The following MYO3B variants were observed in gnomAD, a reference collection of about 807,000 sequenced individuals.
The protein encoded by MYO3B is myosin IIIB.
MYO3B carries 156 observed loss-of-function variants against 174.6 expected under a neutral mutation model. The observed-to-expected ratio is 0.89, with a 90% CI of 0.78 to 1.02. The LOEUF (loss-of-function observed/expected upper bound fraction) is 1.02. Among genes scored for constraint, MYO3B ranks in the 50% least tolerant of loss-of-function variants. The probability of loss-of-function intolerance (pLI) is 0.00; values close to 1 mark genes in which losing one functional copy is unlikely to be tolerated. For synonymous variants in MYO3B, 563 were observed against 569.1 expected (o/e 0.99, Z 0.15); for missense variants, 1,632 against 1,639.4 (o/e 1.00, Z 0.08).
chr2:170,500,270 G>A (rs1313421514), intron 27 of MYO3B, among the ~76,000 whole-genome samples: 1 of 152,220 alleles, frequency 6.6e-6, no homozygotes, highest in Non-Finnish European at 1.5e-5. Flanking sequence ...AGTGGAGGAT[G>A]TAGATAGTTT....
intron 8 of MYO3B, among the ~76,000 whole-genome samples, chr2:170,366,626 A>C (rs931066612): frequency 2.0e-5 from 3 of 152,180 alleles, no homozygotes; most frequent in African/African-American, 7.2e-5. Context: ...TCCAGAAAGT[A>C]GAATGCCTAC....
At chr2:170,302,652 G>T (rs2105447527) in intron 7 of MYO3B, among the ~76,000 whole-genome samples, 1 of 152,304 alleles carries the variant, frequency 6.6e-6, no homozygotes, top group South Asian at 2.1e-4. Context: ...TACCATGGCA[G>T]GGGTGGGGGA....
chr2:170,569,136 C>G (rs542268730), intron 32 of MYO3B, among the ~76,000 whole-genome samples: 4 of 152,252 alleles, frequency 2.6e-5, no homozygotes, highest in African/African-American at 9.6e-5. Context: ...TATTAACCAT[C>G]ATGACTACGC....
intron 1 of MYO3B, among the ~76,000 whole-genome samples, chr2:170,185,543 A>G (rs962785265): frequency 1.4e-4 from 22 of 152,126 alleles, no homozygotes; most frequent in African/African-American, 5.3e-4. Context: ...TTTGGTTACT[A>G]TAGCTCTGTA....
At chr2:170,431,899 C>G (rs2105886017) in intron 22 of MYO3B, among the ~76,000 whole-genome samples, 1 of 152,310 alleles carries the variant, frequency 6.6e-6, no homozygotes, top group East Asian at 1.9e-4. Flanking sequence ...CAACTGTGGT[C>G]CCATAAGATT....
At chr2:170,461,394 A>G (rs1434420401) in intron 23 of MYO3B, among the ~76,000 whole-genome samples, 1 of 142,144 alleles carries the variant, frequency 7.0e-6, no homozygotes, top group Non-Finnish European at 1.5e-5. Flanking sequence ...AAACACTTCA[A>G]CCCCAGAGGT....
At chr2:170,405,919 C>T (rs1314432161) in intron 21 of MYO3B, among the ~76,000 whole-genome samples, 1 of 152,114 alleles carries the variant, frequency 6.6e-6, no homozygotes, top group African/African-American at 2.4e-5. Flanking sequence ...CACATTACAG[C>T]TTTTTGCGGT....
chr2:170,304,590 G>A (rs1163147998), intron 7 of MYO3B, among the ~76,000 whole-genome samples: 1 of 150,404 alleles, frequency 6.6e-6, no homozygotes, highest in Non-Finnish European at 1.5e-5. Context: ...TCAGCCTCCC[G>A]AGTAGCTGGG....
chr2:170,476,264 G>A (rs1487045561), intron 25 of MYO3B, among the ~76,000 whole-genome samples: 1 of 152,184 alleles, frequency 6.6e-6, no homozygotes, highest in African/African-American at 2.4e-5. Context: ...GCCCAAGTGG[G>A]CATGTTACAG....
intron 32 of MYO3B, among the ~76,000 whole-genome samples, chr2:170,557,291 C>T (rs1376827422): frequency 1.3e-5 from 2 of 152,060 alleles, no homozygotes; most frequent in Non-Finnish European, 2.9e-5. Context: ...AGGCGCCCAC[C>T]ACCATGCCCA....
chr2:170,438,647 T>G (rs199779066), intron 22 of MYO3B, among the ~76,000 whole-genome samples: 1 of 152,136 alleles, frequency 6.6e-6, no homozygotes, highest in East Asian at 1.9e-4. Flanking sequence ...TATTTCTTTT[T>G]TTTTTGAGAC....
chr2:170,260,239 A>G (rs2105348281), intron 7 of MYO3B, among the ~76,000 whole-genome samples: 1 of 152,344 alleles, frequency 6.6e-6, no homozygotes, highest in East Asian at 1.9e-4. Flanking sequence ...AAAAGAAATC[A>G]TTCTACCAAA....
At chr2:170,383,634 C>A in intron 11 of MYO3B, 76 bp from the exon 12 acceptor site, 1 of 1,115,422 alleles carries the variant, frequency 9.0e-7, no homozygotes, top group Non-Finnish European at 1.4e-6. Flanking sequence ...GTGACAGATT[C>A]TTGGTTTCAT....
At chr2:170,408,760 G>GGAAA (rs71399533) in intron 22 of MYO3B, among the ~76,000 whole-genome samples, 2 of 144,568 alleles carry the variant, frequency 1.4e-5, no homozygotes, top group Non-Finnish European at 3.0e-5. Context: ...GCCTGGCTAA[G>GGAAA]AAAAAAAAAA....
rs145277447 is a variant in MYO3B, at chr2:170,403,151, GA to G, written c.2277+160del. Among the ~76,000 whole-genome samples the G allele has an allele frequency of 1.6e-3, 243 of 152,302 alleles. 6 individuals are homozygous for G. In the East Asian group the frequency reaches 0.039, roughly 25 times the overall value. ...TGGCTAAATAGTCTAAATTTGTCTGGAAAAGGTCTCGATTTCTGTGGAAAGG... is the reference window on the plus strand; with the variant it reads ...TGGCTAAATAGTCTAAATTTGTCTGGAAAGGTCTCGATTTCTGTGGAAAGG... On this transcript the variant is annotated intron_variant, in intron 19 of 34. Coordinates refer to ENST00000408978, the MANE Select transcript of MYO3B (RefSeq NM_138995.5).
chr2:170,284,814 C>G (rs2093541707), intron 7 of MYO3B, among the ~76,000 whole-genome samples: 1 of 152,186 alleles, frequency 6.6e-6, no homozygotes, highest in Non-Finnish European at 1.5e-5. Context: ...CTACTTGTCT[C>G]TCTCCTTTCC....
chr2:170,230,335 A>ACTTTTT (rs1206021496), intron 6 of MYO3B, among the ~76,000 whole-genome samples: 1 of 17,746 alleles, frequency 5.6e-5, no homozygotes, highest in Non-Finnish European at 1.6e-4. Flanking sequence ...ACGCCTGGCT[A>ACTTTTT]ATTTTTTTTT....
intron 28 of MYO3B, among the ~76,000 whole-genome samples, chr2:170,505,770 G>A (rs113764300): frequency 4.5e-4 from 68 of 152,370 alleles, no homozygotes; most frequent in African/African-American, 1.4e-3. Flanking sequence ...CTTTGAATAG[G>A]TGACAGTGGA....
intron 1 of MYO3B, among the ~76,000 whole-genome samples, chr2:170,187,946 A>G (rs1283741593): frequency 6.6e-6 from 1 of 152,198 alleles, no homozygotes. Context: ...TTCTGCAGCC[A>G]TTGTATGAAA....
Sources: allele counts gnomAD v4.1 joint callset (sites outside exome capture counted in the v4.1 genomes callset), GRCh38; gene constraint gnomAD v4.1.1; transcripts MANE v1.5; gene names NCBI Gene and HGNC (gene_info 2026-07-23, HGNC 2026-07-21).